Variants in NEK1 observed in about 807,000 individuals in gnomAD.
The protein encoded by NEK1 is serine/threonine-protein kinase Nek1.
Under a neutral mutation model 182.1 loss-of-function variants are expected in NEK1, and 137 were observed. The ratio of observed to expected loss-of-function variants is 0.75; its 90% CI spans 0.65 to 0.87. NEK1 has a LOEUF of 0.87. NEK1 is among the 40% of genes least tolerant of loss of function. NEK1 has a pLI of 0.00. For missense variants in NEK1, 1,391 were observed against 1,494.4 expected (o/e 0.93, Z 1.14); for synonymous variants, 513 against 492.2 (o/e 1.04, Z -0.56).
intron 12 of NEK1, among the ~76,000 whole-genome samples, chr4:169,565,195 C>T (rs1763488644): frequency 6.6e-6 from 1 of 152,176 alleles, no homozygotes; most frequent in Non-Finnish European, 1.5e-5. Context: ...CATTAGCTTT[C>T]AAACTTTTTC....
intron 27 of NEK1, among the ~76,000 whole-genome samples, chr4:169,459,604 T>A (rs1561226047): frequency 6.6e-6 from 1 of 152,202 alleles, no homozygotes; most frequent in South Asian, 2.1e-4. Flanking sequence ...TATTCATAAT[T>A]GCTATCACTT....
At chr4:169,560,570 C>A (rs1762762115) in intron 16 of NEK1, among the ~76,000 whole-genome samples, 1 of 152,078 alleles carries the variant, frequency 6.6e-6, no homozygotes, top group African/African-American at 2.4e-5. Context: ...CACTTATACT[C>A]AAGGGAATGG....
In NEK1 at chr4:169,590,767, C is replaced by T. The variant is rs1768338660; in HGVS notation, c.355G>A (p.Val119Ile). The change falls in exon 6 of 36, where the codon GTA becomes ATA. Residue 119 changes from valine (V) to isoleucine (I), a missense_variant. Coordinates refer to ENST00000507142, the MANE Select transcript of NEK1 (RefSeq NM_001199397.3). ...CGATGAAGAATTTTTCTATCATGTA[C>T]ATGTTTCAGGGCCAAACATATCTGT... ...FVQICLALKHVHDRKILHRDI... is the reference protein window; with the variant it reads ...FVQICLALKHIHDRKILHRDI... 3 of 1,599,700 alleles carry T rather than the reference C, an allele frequency of 1.9e-6. No homozygotes were observed. The East Asian group carries it at 6.7e-5, about 36-fold the overall frequency.
intron 27 of NEK1, among the ~76,000 whole-genome samples, chr4:169,452,047 A>G (rs953070913): frequency 2.0e-5 from 3 of 152,230 alleles, no homozygotes; most frequent in African/African-American, 7.2e-5. Context: ...AAATGCATAC[A>G]TTCCTGGACA....
At position 169,473,214 on chromosome 4, in the gene NEK1, C is replaced by T. The variant is rs1746335838; in HGVS notation, c.2434+3910G>A. ...CCAGAAATTTTAAGATACAGTCAGC[C>T]ATGACTGCAGCACTGTATTCCAGCC... On this transcript the variant is annotated intron_variant, in intron 26 of 35. Transcript: ENST00000507142. Among the ~76,000 whole-genome samples, 4 of 150,170 alleles carry T rather than the reference C, an allele frequency of 2.7e-5. No homozygotes were observed. In the South Asian group the frequency reaches 8.5e-4, roughly 32 times the overall value.
chr4:169,416,061 G>A (rs1273456630), intron 31 of NEK1, among the ~76,000 whole-genome samples: 1 of 152,012 alleles, frequency 6.6e-6, no homozygotes, highest in Non-Finnish European at 1.5e-5. Context: ...TCTAGAAAAC[G>A]GGGAAAAGAT....
At chr4:169,472,185 C>A (rs983244506) in intron 26 of NEK1, among the ~76,000 whole-genome samples, 3 of 151,746 alleles carry the variant, frequency 2.0e-5, no homozygotes, top group Admixed American at 6.6e-5. Context: ...CAAAAAAAAA[C>A]AAAAAACTCC....
In NEK1 at chr4:169,406,690, C is replaced by T; in HGVS notation, c.3280G>A (p.Val1094Ile). The T allele has an allele frequency of 6.2e-7, 1 of 1,610,492 alleles. No individual in the cohort carries two copies. The highest frequency in any genetic ancestry group is 8.5e-7 in the Non-Finnish European group (1 of 1,178,120). ...TGACGAACATCTCCTACGGTGGGAA[C>T]ATCCATAAGGGTTCTGAACAGCTTT... is the stretch of plus-strand genomic sequence containing the variant. ...LSKLFRTLMD[V>I]PTVGDVRQDN... The change falls in exon 32 of 36, where the codon GTT becomes ATT. Residue 1094 changes from valine (V) to isoleucine (I), a missense_variant. Val to Ile is a conservative substitution (Grantham distance 29). Coordinates refer to ENST00000507142, the MANE Select transcript of NEK1 (RefSeq NM_001199397.3).
intron 11 of NEK1, among the ~76,000 whole-genome samples, chr4:169,578,505 C>T (rs1046835986): frequency 1.6e-4 from 25 of 152,144 alleles, no homozygotes; most frequent in African/African-American, 4.6e-4. Context: ...TGAAATCCTA[C>T]GACTAAACTC....
At chr4:169,429,196 CAAAT>C (rs767239957) in intron 29 of NEK1, among the ~76,000 whole-genome samples, 1 of 152,134 alleles carries the variant, frequency 6.6e-6, no homozygotes, top group Non-Finnish European at 1.5e-5. Context: ...ACCAATCCCT[CAAAT>C]ATACTAAAGG....
rs753918010 is a variant in NEK1 at position 169,555,729 on chromosome 4, T to G, written c.1553A>C (p.Asn518Thr). The part of the protein sequence containing the change: ...KRLKAVSKQA[N>T]ANRQKGQLAV... ...ATCATCACAGTCCAACCTGTTTGCA[T>G]TGGCTTGTTTAGACACCGCCTTCAA... The change falls in exon 18 of 36, where the codon AAT becomes ACT. Residue 518 changes from asparagine to threonine, a missense_variant. By Grantham distance (65) the Asn-to-Thr change is moderately conservative. Coordinates refer to ENST00000507142, the MANE Select transcript of NEK1 (RefSeq NM_001199397.3). 6.2e-7 allele frequency: 1 copy of G among 1,613,714 alleles called. No individual in the cohort carries two copies. The highest frequency in any genetic ancestry group is 1.7e-5 in the Admixed American group (1 of 59,994).
At chr4:169,562,915 T>A (rs865860518) in intron 12 of NEK1, among the ~76,000 whole-genome samples, 58 of 152,344 alleles carry the variant, frequency 3.8e-4, no homozygotes, top group Middle Eastern at 6.8e-3. Flanking sequence ...TTCTTTTGTA[T>A]CTTGCTTTTG....
chr4:169,496,559 T>C (rs1358939825), intron 23 of NEK1, among the ~76,000 whole-genome samples: 2 of 151,190 alleles, frequency 1.3e-5, no homozygotes, highest in South Asian at 2.1e-4. Flanking sequence ...ATAGCTCTTA[T>C]TATTTTGAGA....
chr4:169,567,745 T>G (rs529420419), intron 12 of NEK1, among the ~76,000 whole-genome samples: 1 of 152,336 alleles, frequency 6.6e-6, no homozygotes, highest in South Asian at 2.1e-4. Context: ...CTGATTATTA[T>G]TTAGTTCTCA....
intron 28 of NEK1, among the ~76,000 whole-genome samples, chr4:169,433,893 C>T (rs1737890958): frequency 1.3e-5 from 2 of 152,216 alleles, no homozygotes; most frequent in Non-Finnish European, 2.9e-5. Context: ...AATAAAAATG[C>T]TCAAAGGTAA....
At chr4:169,506,919 T>G in intron 23 of NEK1, 118 bp downstream of exon 23, 1 of 535,258 alleles carries the variant, frequency 1.9e-6, no homozygotes, top group Admixed American at 3.6e-5. Context: ...AGAGAGAGAA[T>G]GAGAATGAAA....
chr4:169,537,736 C>T, intron 19 of NEK1, 73 bp downstream of exon 19: 2 of 1,126,848 alleles, frequency 1.8e-6, no homozygotes, highest in African/African-American at 1.5e-5. Flanking sequence ...TTTTTACTTA[C>T]ACTTACCTTA....
chr4:169,545,130 G>A (rs1760180511), intron 18 of NEK1, among the ~76,000 whole-genome samples: 1 of 146,772 alleles, frequency 6.8e-6, no homozygotes, highest in South Asian at 2.2e-4. Context: ...GTATACATGT[G>A]CCATGCTGGT....
chr4:169,532,249 T>C (rs1449716750), intron 19 of NEK1, among the ~76,000 whole-genome samples: 1 of 152,170 alleles, frequency 6.6e-6, no homozygotes, highest in African/African-American at 2.4e-5. Context: ...AAATTATATG[T>C]TAATAAAGCC....
Sources: gnomAD v4.1 joint callset for allele counts (sites outside exome capture counted in the v4.1 genomes callset) on GRCh38, gnomAD v4.1.1 for gene constraint, MANE v1.5 for transcripts, NCBI Gene and HGNC (gene_info 2026-07-23, HGNC 2026-07-21) for gene names.